The following MADD variants were observed in gnomAD, a reference collection of about 807,000 sequenced individuals.
The protein encoded by MADD is MAP kinase activating death domain, also known as MAP kinase-activating death domain protein.
Under a neutral mutation model 176.7 loss-of-function variants are expected in MADD, and 109 were observed. The ratio of observed to expected loss-of-function variants is 0.62; its 90% CI spans 0.53 to 0.72. The LOEUF (loss-of-function observed/expected upper bound fraction) is 0.72. Ranked by LOEUF, MADD falls within the 30% of genes least tolerant of loss-of-function variation. The pLI is 0.00. For missense variants in MADD, 1,914 were observed against 2,045.5 expected, an observed-to-expected ratio of 0.94 and a Z score of 1.24; for synonymous variants, 771 against 771.3, an observed-to-expected ratio of 1.00 and a Z score of 0.01.
At chr11:47,287,063 C>T (rs975842843) in intron 15 of MADD, among the ~76,000 whole-genome samples, 11 of 152,200 alleles carry the variant, frequency 7.2e-5, no homozygotes, top group African/African-American at 1.2e-4. Context: ...CGGTGGCTCA[C>T]GCCTGTAATC....
intron 7 of MADD, among the ~76,000 whole-genome samples, chr11:47,280,142 T>C (rs992584682): frequency 1.3e-5 from 2 of 152,202 alleles, no homozygotes; most frequent in African/African-American, 2.4e-5. Flanking sequence ...TTCTTCTTCC[T>C]CTGCATGCTG....
chr11:47,324,265 T>C, exon 29 of MADD: 2 of 1,614,054 alleles, frequency 1.2e-6, no homozygotes, highest in Non-Finnish European at 1.7e-6. Context: ...TGTGCCACAG[T>C]GTCGGGAGCT....
intron 19 of MADD, 120 bp from the exon 21 acceptor site, chr11:47,292,423 T>A (rs558956845): frequency 2.4e-6 from 2 of 831,160 alleles, no homozygotes; most frequent in Non-Finnish European, 4.2e-6. Flanking sequence ...TTTGTATCTC[T>A]TGGTTGGTAA....
chr11:47,328,741 G>A (rs766096462), intron 32 of MADD, 37 bp downstream of exon 36: 39 of 1,613,102 alleles, frequency 2.4e-5, no homozygotes, highest in East Asian at 1.1e-4. Flanking sequence ...GCCACGGTGC[G>A]CAGGGCTCCC....
In MADD at chr11:47,284,930, G is replaced by A. The variant is rs777807465; in HGVS notation, c.2158-11G>A. On this transcript the variant is annotated splice_polypyrimidine_tract_variant and intron_variant, in intron 12 of 32. Coordinates refer to ENST00000402192, the Ensembl canonical transcript of MADD. ...ACCAGGTAACCACTTTTAATTTCAT[G>A]CGGCCTTTAGGAACCTGCTGACTCT... 1.2e-6 allele frequency: 2 copies of A among 1,613,072 alleles called. No individual in the cohort carries two copies. Among genetic ancestry groups the A allele is most frequent in the South Asian group, 1.1e-5 (1 of 91,082 alleles).
At chr11:47,328,237 G>A (rs2095668036) in intron 31 of MADD, 3 of 1,093,782 alleles carry the variant, frequency 2.7e-6, no homozygotes, top group Admixed American at 4.8e-5. Flanking sequence ...GAGTTCACGG[G>A]TGTCTCAGCA....
At chr11:47,275,251 C>A (rs1346339675) in intron 3 of MADD, 92 bp downstream of exon 3, 1 of 1,080,370 alleles carries the variant, frequency 9.3e-7, no homozygotes, top group East Asian at 2.4e-5. Flanking sequence ...CTCTACAGCT[C>A]AAGGTCCTTC....
At chr11:47,311,880 G>A (rs2089590410) in intron 26 of MADD, 38 bp downstream of exon 29, 1 of 1,352,468 alleles carries the variant, frequency 7.4e-7, no homozygotes, top group Non-Finnish European at 1.1e-6. Context: ...TTCCCCATGG[G>A]TCATTTCTTG....
chr11:47,270,288 G>C (rs1252729450), intron 1 of MADD, 42 bp downstream of exon 1: 2 of 152,150 alleles, frequency 1.3e-5, no homozygotes, highest in African/African-American at 4.8e-5. Flanking sequence ...CGAGCGTCTG[G>C]GGACTCCGAG....
intron 15 of MADD, 55 bp from the exon 16 acceptor site, chr11:47,288,913 G>T: frequency 7.9e-7 from 1 of 1,259,214 alleles, no homozygotes; most frequent in Non-Finnish European, 1.1e-6. Flanking sequence ...CCTCGGAGGG[G>T]TAGAGGGGTT....
rs754918595 is a variant in MADD at position 47,296,069 on chromosome 11, A to C, written c.3642+14A>C. The stretch of plus-strand genomic sequence containing the variant: ...AGCACCATCTTTGTAAGCTTTGTTT[A>C]TTAACAAAAGAAAACCATTTCTTTA... On this transcript the variant is annotated intron_variant, in intron 22 of 32. Coordinates refer to ENST00000402192, the Ensembl canonical transcript of MADD. 1.3e-5 allele frequency: 21 copies of C among 1,602,766 alleles called. No individual in the cohort carries two copies. The African/African-American group carries it at 2.1e-4, about 16-fold the overall frequency.
exon 13 of MADD, chr11:47,285,190 A>G (rs1460859579): frequency 1.2e-6 from 2 of 1,613,386 alleles, no homozygotes; most frequent in African/African-American, 2.7e-5. Context: ...TGTCAGTGGC[A>G]ATCGGTGAGA....
At chr11:47,324,785 GC>G in intron 30 of MADD, 1 of 692,712 alleles carries the variant, frequency 1.4e-6, no homozygotes, top group South Asian at 1.5e-5. Context: ...GCACCAGGGA[GC>G]CCGTGGGGGA....
intron 20 of MADD, among the ~76,000 whole-genome samples, chr11:47,295,178 G>A (rs2070053598): frequency 6.6e-6 from 1 of 151,728 alleles, no homozygotes; most frequent in South Asian, 2.1e-4. Context: ...GCCTGGCTAA[G>A]TTTGTGTATT....
At chr11:47,321,759 GTAGT>G (rs973097620) in intron 27 of MADD, among the ~76,000 whole-genome samples, 32 of 152,238 alleles carry the variant, frequency 2.1e-4, no homozygotes, top group South Asian at 2.1e-4. Flanking sequence ...GTGATGGAGT[GTAGT>G]TAGTTAGAGG....
chr11:47,294,724 A>G (rs1047396750), intron 20 of MADD, among the ~76,000 whole-genome samples: 7 of 151,592 alleles, frequency 4.6e-5, no homozygotes, highest in Non-Finnish European at 1.0e-4. Context: ...TAAATAACTA[A>G]TGATAAGGGA....
At chr11:47,329,440 C>A in exon 33 of MADD, 2 of 414,340 alleles carry the variant, frequency 4.8e-6, no homozygotes, top group South Asian at 3.1e-5. Flanking sequence ...GTCCTTGAGA[C>A]ATTTGTGTTG....
chr11:47,277,923 G>A (rs999270951), intron 5 of MADD, among the ~76,000 whole-genome samples: 2 of 152,176 alleles, frequency 1.3e-5, no homozygotes, highest in Admixed American at 1.3e-4. Flanking sequence ...ACTACAGTTT[G>A]CCTCAGTTAA....
chr11:47,277,008 A>T, intron 5 of MADD, 145 bp downstream of exon 5: 2 of 1,013,436 alleles, frequency 2.0e-6, no homozygotes, highest in Non-Finnish European at 2.8e-6. Context: ...ATTTGAACTG[A>T]TCTGGTGGCA....
Sources: allele counts gnomAD v4.1 joint callset (sites outside exome capture counted in the v4.1 genomes callset), GRCh38; gene constraint gnomAD v4.1.1; transcripts MANE v1.5; gene names NCBI Gene and HGNC (gene_info 2026-07-23, HGNC 2026-07-21).